ZNF385B: variants seen among roughly 807,000 people sequenced by gnomAD.
ZNF385B encodes zinc finger protein 533.
In ZNF385B, 23 loss-of-function variants were observed where a neutral mutation model predicts 39.2. The observed-to-expected ratio is 0.59, with a 90% CI of 0.42 to 0.83. The LOEUF (loss-of-function observed/expected upper bound fraction) is 0.83, where lower values mean the gene tolerates loss of function less well. ZNF385B is among the 40% of genes least tolerant of loss of function. ZNF385B has a pLI of 0.00. For synonymous variants in ZNF385B, 205 were observed against 222.6 expected (o/e 0.92, Z 0.70); for missense variants, 552 against 598.9 (o/e 0.92, Z 0.82).
chr2:179,500,980 C>T (rs2056703920), intron 5 of ZNF385B, among the ~76,000 whole-genome samples: 1 of 152,010 alleles, frequency 6.6e-6, no homozygotes, highest in African/African-American at 2.4e-5. Context: ...GGCAAACAGG[C>T]ATATGAAAAG....
intron 1 of ZNF385B, among the ~76,000 whole-genome samples, chr2:179,816,111 C>A (rs753800529): frequency 1.3e-5 from 2 of 152,062 alleles, no homozygotes; most frequent in Non-Finnish European, 2.9e-5. Context: ...AAGAAGCAAC[C>A]CCCACCCCAA....
At chr2:179,654,047 C>T (rs1288496797) in intron 3 of ZNF385B, among the ~76,000 whole-genome samples, 1 of 152,090 alleles carries the variant, frequency 6.6e-6, no homozygotes, top group Non-Finnish European at 1.5e-5. Context: ...GGAGGAAAGA[C>T]CTTGGATTTG....
Position 179,627,552 on chromosome 2 carries a change from C to T in ZNF385B, c.299-82583G>A, listed in dbSNP as rs77034501. Among the ~76,000 whole-genome samples, 412 of 152,290 alleles carry T rather than the reference C, an allele frequency of 2.7e-3. 7 individuals are homozygous for T. The East Asian group carries it at 0.041, about 15-fold the overall frequency. ...CATAATGTGATTCCAGAAACTAATG[C>T]TTATCTGTCATCTCTCCAGATGTGG... On this transcript the variant is annotated intron_variant, in intron 3 of 9. Transcript: ENST00000410066.
chr2:179,507,841 T>C (rs2057363654), intron 5 of ZNF385B, among the ~76,000 whole-genome samples: 2 of 152,154 alleles, frequency 1.3e-5, no homozygotes, highest in South Asian at 2.1e-4. Flanking sequence ...CCTCATATGC[T>C]GTCTCCACCT....
chr2:179,597,745 A>G (rs905000997), intron 3 of ZNF385B, among the ~76,000 whole-genome samples: 4 of 152,208 alleles, frequency 2.6e-5, no homozygotes, highest in Non-Finnish European at 5.9e-5. Context: ...TGAAATATAT[A>G]TTATGTTCAT....
At chr2:179,617,868 CT>C (rs1332586534) in intron 3 of ZNF385B, among the ~76,000 whole-genome samples, 1 of 152,146 alleles carries the variant, frequency 6.6e-6, no homozygotes, top group African/African-American at 2.4e-5. Flanking sequence ...GAGAACTACT[CT>C]TAAAGAATGT....
At chr2:179,563,977 AAT>A (rs1684248686) in intron 3 of ZNF385B, among the ~76,000 whole-genome samples, 1 of 152,140 alleles carries the variant, frequency 6.6e-6, no homozygotes, top group Non-Finnish European at 1.5e-5. Flanking sequence ...CCCGGTCTGG[AAT>A]ACTAGTGCAT....
intron 1 of ZNF385B, among the ~76,000 whole-genome samples, chr2:179,786,167 A>G (rs909810229): frequency 2.0e-5 from 3 of 152,096 alleles, no homozygotes; most frequent in Admixed American, 2.0e-4. Flanking sequence ...AGGTATGTAC[A>G]TTTTTTAGAT....
chr2:179,819,557 T>C (rs1036131720), intron 1 of ZNF385B, among the ~76,000 whole-genome samples: 2 of 152,162 alleles, frequency 1.3e-5, no homozygotes, highest in African/African-American at 4.8e-5. Flanking sequence ...CCAACCTAAT[T>C]CAATGCTGTC....
intron 5 of ZNF385B, among the ~76,000 whole-genome samples, chr2:179,488,256 T>A (rs1011279091): frequency 6.6e-6 from 1 of 152,160 alleles, no homozygotes; most frequent in South Asian, 2.1e-4. Flanking sequence ...GTGATTCCCC[T>A]GCTTCAGCCT....
chr2:179,459,941 T>A (rs2051135583), intron 6 of ZNF385B, among the ~76,000 whole-genome samples: 1 of 151,594 alleles, frequency 6.6e-6, no homozygotes, highest in Non-Finnish European at 1.5e-5. Context: ...CCGTCTCTAC[T>A]AAAAATACAA....
At chr2:179,762,944 TCC>T (rs1703484330) in intron 3 of ZNF385B, among the ~76,000 whole-genome samples, 1 of 152,044 alleles carries the variant, frequency 6.6e-6, no homozygotes, top group African/African-American at 2.4e-5. Context: ...TTGCTCTGTC[TCC>T]CAGGCTGGAG....
intron 3 of ZNF385B, among the ~76,000 whole-genome samples, chr2:179,754,079 T>C (rs556392952): frequency 3.2e-4 from 48 of 152,304 alleles, no homozygotes; most frequent in Admixed American, 5.9e-4. Context: ...TTGTCATAAA[T>C]AGCTCTTATT....
chr2:179,604,637 A>G (rs1688657966), intron 3 of ZNF385B, among the ~76,000 whole-genome samples: 6 of 151,978 alleles, frequency 3.9e-5, no homozygotes, highest in Admixed American at 3.9e-4. Context: ...CTAAGTAAAT[A>G]TTTTTATATA....
At chr2:179,477,523 C>G (rs1329495825) in intron 6 of ZNF385B, among the ~76,000 whole-genome samples, 2 of 152,168 alleles carry the variant, frequency 1.3e-5, no homozygotes, top group African/African-American at 4.8e-5. Flanking sequence ...AAAACTATCT[C>G]CCTGCCCTCA....
chr2:179,719,588 G>T (rs1700552694), intron 3 of ZNF385B, among the ~76,000 whole-genome samples: 1 of 152,224 alleles, frequency 6.6e-6, no homozygotes, highest in Admixed American at 6.5e-5. Context: ...ATGACCAGCA[G>T]TGGTTTGGAT....
At chr2:179,636,985 A>T (rs1691818787) in intron 3 of ZNF385B, among the ~76,000 whole-genome samples, 1 of 152,106 alleles carries the variant, frequency 6.6e-6, no homozygotes, top group African/African-American at 2.4e-5. Context: ...ATATCTAGCC[A>T]CTCTTGGCTG....
chr2:179,605,239 T>C (rs925290178), intron 3 of ZNF385B, among the ~76,000 whole-genome samples: 2 of 152,162 alleles, frequency 1.3e-5, no homozygotes, highest in Non-Finnish European at 2.9e-5. Context: ...ACTAGAAACA[T>C]GATTTTTTTT....
At position 179,861,550 on chromosome 2, in the gene ZNF385B, G is replaced by C. The variant is rs1348544709; in HGVS notation, c.-604C>G. 2 of 152,244 alleles carry C rather than the reference G, an allele frequency of 1.3e-5. No individual in the cohort carries two copies. Among genetic ancestry groups the C allele is most frequent in the African/African-American group, 4.8e-5 (2 of 41,470 alleles). 9.4% of individuals were successfully genotyped at this position (152,244 alleles called of 1,614,324 possible). ...CGAAGCTGTGACGGTTTACTAAGCA[G>C]AGACTTGCGAGGCACACAGAGAGGG... On this transcript the variant is annotated 5_prime_UTR_variant, in exon 1 of 10. Transcript: ENST00000410066.
Sources: gnomAD v4.1 joint callset for allele counts (sites outside exome capture counted in the v4.1 genomes callset) on GRCh38, gnomAD v4.1.1 for gene constraint, MANE v1.5 for transcripts, NCBI Gene and HGNC (gene_info 2026-07-23, HGNC 2026-07-21) for gene names.